Variants in SAMMSON observed in about 807,000 individuals in gnomAD.
The protein encoded by SAMMSON is long intergenic non-protein coding RNA 1212.
intron 6 of SAMMSON, among the ~76,000 whole-genome samples, chr3:70,260,194 G>A (rs1346583579): frequency 2.0e-5 from 3 of 152,108 alleles, no homozygotes; most frequent in African/African-American, 7.2e-5. Context: ...CTAACTTCTA[G>A]TGGTTTGCCA....
At chr3:70,071,600 ACGT>A (rs1360570264) in intron 4 of SAMMSON, 1 of 152,012 alleles carries the variant, frequency 6.6e-6, no homozygotes, top group Non-Finnish European at 1.5e-5. Flanking sequence ...GAGAGAACAT[ACGT>A]AATCAGATAC....
chr3:70,427,871 A>G (rs1171433173), intron 2 of SAMMSON, among the ~76,000 whole-genome samples: 2 of 152,196 alleles, frequency 1.3e-5, no homozygotes, highest in Non-Finnish European at 2.9e-5. Context: ...ATCAACTGAC[A>G]TGGAATCTTA....
At chr3:70,239,473 G>A (rs962972225) in intron 4 of SAMMSON, among the ~76,000 whole-genome samples, 2 of 152,090 alleles carry the variant, frequency 1.3e-5, no homozygotes, top group African/African-American at 4.8e-5. Flanking sequence ...CTGTCTTGAA[G>A]TTCATGGTTT....
chr3:70,316,788 T>C (rs1290602268), intron 7 of SAMMSON, among the ~76,000 whole-genome samples: 1 of 152,096 alleles, frequency 6.6e-6, no homozygotes, highest in Admixed American at 6.6e-5. Flanking sequence ...TATGAGATCT[T>C]AGATCTCACC....
At chr3:70,155,194 A>G (rs914751444) in intron 4 of SAMMSON, among the ~76,000 whole-genome samples, 1 of 151,824 alleles carries the variant, frequency 6.6e-6, no homozygotes, top group African/African-American at 2.4e-5. Context: ...TCATTTGTAA[A>G]GTATGGTTTC....
At chr3:70,309,548 A>C (rs1702437181) in intron 7 of SAMMSON, among the ~76,000 whole-genome samples, 1 of 152,174 alleles carries the variant, frequency 6.6e-6, no homozygotes, top group Admixed American at 6.5e-5. Flanking sequence ...AACATGGCAC[A>C]ATCACCCAGC....
At chr3:70,254,422 T>A (rs1295479414) in intron 6 of SAMMSON, among the ~76,000 whole-genome samples, 4 of 152,164 alleles carry the variant, frequency 2.6e-5, no homozygotes, top group Non-Finnish European at 4.4e-5. Flanking sequence ...GAGCATGAAC[T>A]GAAATAACAT....
chr3:70,377,453 A>G (rs372402186), intron 9 of SAMMSON, among the ~76,000 whole-genome samples: 21 of 152,240 alleles, frequency 1.4e-4, no homozygotes, highest in African/African-American at 3.4e-4. Context: ...ATAAACAGCA[A>G]TTTTGGACAC....
intron 7 of SAMMSON, among the ~76,000 whole-genome samples, chr3:70,311,622 G>C (rs954075925): frequency 6.6e-6 from 1 of 152,102 alleles, no homozygotes; most frequent in African/African-American, 2.4e-5. Flanking sequence ...ATAAGTCTGA[G>C]TAGAAAATGC....
chr3:70,125,073 T>A, intron 4 of SAMMSON: 1 of 889,594 alleles, frequency 1.1e-6, no homozygotes, highest in Non-Finnish European at 1.8e-6. Context: ...TTTTAACACT[T>A]TCTTTTTCCT....
intron 1 of SAMMSON, among the ~76,000 whole-genome samples, chr3:70,007,788 T>C (rs1268217509): frequency 6.6e-6 from 1 of 152,186 alleles, no homozygotes; most frequent in Non-Finnish European, 1.5e-5. Flanking sequence ...AGGTCTAACA[T>C]GTAAGTCTTT....
At chr3:70,420,111 GTGTCCA>G (rs1559585890) in intron 2 of SAMMSON, among the ~76,000 whole-genome samples, 2 of 152,216 alleles carry the variant, frequency 1.3e-5, no homozygotes, top group African/African-American at 4.8e-5. Context: ...TTCTGGCTCA[GTGTCCA>G]TGTCCTTGGA....
intron 2 of SAMMSON, among the ~76,000 whole-genome samples, chr3:70,433,824 G>A (rs1240038465): frequency 6.6e-6 from 1 of 152,152 alleles, no homozygotes; most frequent in African/African-American, 2.4e-5. Flanking sequence ...TATGAAAGAT[G>A]TAAGATCTGT....
At chr3:70,372,997 T>C (rs1273188320) in intron 9 of SAMMSON, among the ~76,000 whole-genome samples, 1 of 152,200 alleles carries the variant, frequency 6.6e-6, no homozygotes, top group Non-Finnish European at 1.5e-5. Flanking sequence ...CATTAAACAA[T>C]GTTGTAATTT....
chr3:70,288,048 C>G (rs1338886185), intron 6 of SAMMSON, among the ~76,000 whole-genome samples: 2 of 150,734 alleles, frequency 1.3e-5, no homozygotes, highest in Non-Finnish European at 3.0e-5. Flanking sequence ...TTTTTTGTGT[C>G]TCTATTTCCT....
At chr3:70,084,075 T>C (rs1394688010) in intron 4 of SAMMSON, among the ~76,000 whole-genome samples, 2 of 152,172 alleles carry the variant, frequency 1.3e-5, no homozygotes, top group African/African-American at 4.8e-5. Flanking sequence ...ACACTTTAAA[T>C]GAATTTTGAT....
At chr3:70,128,524 C>T (rs911439772) in intron 4 of SAMMSON, among the ~76,000 whole-genome samples, 13 of 152,166 alleles carry the variant, frequency 8.5e-5, no homozygotes, top group Non-Finnish European at 1.9e-4. Context: ...ATTCAAAAGA[C>T]AATGATTGAA....
chr3:70,092,447 G>GTTT (rs11428459), intron 4 of SAMMSON, among the ~76,000 whole-genome samples: 43 of 145,568 alleles, frequency 3.0e-4, no homozygotes, highest in South Asian at 4.4e-4. Context: ...AACTCATGCT[G>GTTT]TTTTTTTTTT....
At chr3:70,227,962 A>T (rs1701524188) in intron 4 of SAMMSON, among the ~76,000 whole-genome samples, 1 of 151,884 alleles carries the variant, frequency 6.6e-6, no homozygotes, top group Non-Finnish European at 1.5e-5. Flanking sequence ...ATAGTATAAC[A>T]TTCATAGTAA....
Sources: allele counts gnomAD v4.1 joint callset (sites outside exome capture counted in the v4.1 genomes callset), GRCh38; gene constraint gnomAD v4.1.1; transcripts MANE v1.5; gene names NCBI Gene and HGNC (gene_info 2026-07-23, HGNC 2026-07-21).